RPSA2: variants seen among roughly 807,000 people sequenced by gnomAD.
The protein encoded by RPSA2 is small ribosomal subunit protein uS2B.
the RPSA2 span, among the ~76,000 whole-genome samples, chr19:23,785,419 A>G: frequency 7.1e-3 from 1,076 of 152,166 alleles, 13 homozygotes; most frequent in African/African-American, 0.025. Flanking sequence ...TCAGTCACCT[A>G]GGAGATGTGA....
chr19:23,810,422 G>A, the RPSA2 span, among the ~76,000 whole-genome samples: 2 of 2,630 alleles, frequency 7.6e-4, 1 homozygote, highest in Non-Finnish European at 1.7e-3. Context: ...AAAAAAAAAG[G>A]GAAAAGGGCT....
At chr19:23,814,080 C>T in the RPSA2 span, among the ~76,000 whole-genome samples, 1 of 150,952 alleles carries the variant, frequency 6.6e-6, no homozygotes, top group Non-Finnish European at 1.5e-5. Flanking sequence ...GGCATTGTGG[C>T]AGGCGCCTGT....
chr19:23,832,774 A>G, the RPSA2 span: 1 of 1,571,832 alleles, frequency 6.4e-7, no homozygotes, highest in South Asian at 1.1e-5. Context: ...TACTCGACAT[A>G]AGATAATTCA....
chr19:23,861,806 C>T, the RPSA2 span, among the ~76,000 whole-genome samples: 1 of 152,086 alleles, frequency 6.6e-6, no homozygotes. Flanking sequence ...TTTCTGGAAA[C>T]CAGAACCCTG....
At chr19:23,835,227 G>A in the RPSA2 span, among the ~76,000 whole-genome samples, 3 of 150,398 alleles carry the variant, frequency 2.0e-5, no homozygotes, top group Non-Finnish European at 4.4e-5. Context: ...ATTTTTCTTT[G>A]AACATGTGGC....
At chr19:23,761,926 T>TCCTTCCTTCCTTCC in the RPSA2 span, among the ~76,000 whole-genome samples, 34 of 124,824 alleles carry the variant, frequency 2.7e-4, 5 homozygotes, top group Middle Eastern at 3.8e-3. Flanking sequence ...CTTTCTTTTT[T>TCCTTCCTTCCTTCC]TTTTTTTTTG....
At chr19:23,856,349 G>A in the RPSA2 span, among the ~76,000 whole-genome samples, 1 of 152,076 alleles carries the variant, frequency 6.6e-6, no homozygotes, top group South Asian at 2.1e-4. Flanking sequence ...CAAGGACAGT[G>A]TTCTTCCACC....
chr19:23,763,423 C>G, the RPSA2 span, among the ~76,000 whole-genome samples: 1 of 152,196 alleles, frequency 6.6e-6, no homozygotes, highest in African/African-American at 2.4e-5. Context: ...GAGCAGAATC[C>G]CGACCCGGTG....
chr19:23,776,627 C>T, the RPSA2 span, among the ~76,000 whole-genome samples: 1 of 152,028 alleles, frequency 6.6e-6, no homozygotes, highest in African/African-American at 2.4e-5. Flanking sequence ...TGCCTGGTTT[C>T]TTCTCACAAA....
At chr19:23,797,052 C>T in the RPSA2 span, among the ~76,000 whole-genome samples, 3 of 151,322 alleles carry the variant, frequency 2.0e-5, no homozygotes, top group South Asian at 6.3e-4. Context: ...CCTTTTAACA[C>T]TACTTTAGCA....
At chr19:23,834,382 T>C in the RPSA2 span, among the ~76,000 whole-genome samples, 1 of 152,008 alleles carries the variant, frequency 6.6e-6, no homozygotes, top group Non-Finnish European at 1.5e-5. Context: ...GGACAAAATA[T>C]ATGAGAGATT....
At chr19:23,822,642 T>G in the RPSA2 span, among the ~76,000 whole-genome samples, 4 of 152,076 alleles carry the variant, frequency 2.6e-5, no homozygotes, top group South Asian at 8.3e-4. Flanking sequence ...AGCTCTGGTG[T>G]GGGTAAATTG....
the RPSA2 span, among the ~76,000 whole-genome samples, chr19:23,770,878 G>A: frequency 1.3e-5 from 2 of 152,192 alleles, no homozygotes; most frequent in African/African-American, 4.8e-5. Flanking sequence ...AAAATGCGGT[G>A]ATGTGAGTCT....
the RPSA2 span, chr19:23,828,107 T>C: frequency 1.9e-6 from 1 of 533,036 alleles, no homozygotes; most frequent in Admixed American, 4.1e-5. Flanking sequence ...AAAATAAACA[T>C]CAGTTTCTAA....
the RPSA2 span, among the ~76,000 whole-genome samples, chr19:23,858,584 A>G: frequency 6.6e-6 from 1 of 152,200 alleles, no homozygotes; most frequent in Non-Finnish European, 1.5e-5. Flanking sequence ...CAACACACAA[A>G]TTATTTCTTT....
the RPSA2 span, among the ~76,000 whole-genome samples, chr19:23,857,093 C>T: frequency 3.9e-5 from 6 of 152,142 alleles, no homozygotes; most frequent in African/African-American, 7.2e-5. Context: ...CCAGAATGGC[C>T]GTTTATAGAC....
chr19:23,863,413 A>G, the RPSA2 span, among the ~76,000 whole-genome samples: 1 of 152,038 alleles, frequency 6.6e-6, no homozygotes, highest in African/African-American at 2.4e-5. Context: ...CAAATACAAC[A>G]ATTAGCCAGG....
the RPSA2 span, among the ~76,000 whole-genome samples, chr19:23,779,990 C>T: frequency 1.3e-5 from 2 of 152,202 alleles, no homozygotes; most frequent in Non-Finnish European, 2.9e-5. Flanking sequence ...CGTCGCTCTC[C>T]TGCGTGATTT....
At chr19:23,797,450 G>A in the RPSA2 span, among the ~76,000 whole-genome samples, 1 of 152,046 alleles carries the variant, frequency 6.6e-6, no homozygotes, top group East Asian at 1.9e-4. Context: ...AGAACTTCTT[G>A]GTTTTTGCCT....
Sources: gnomAD v4.1 joint callset for allele counts (sites outside exome capture counted in the v4.1 genomes callset) on GRCh38, gnomAD v4.1.1 for gene constraint, MANE v1.5 for transcripts, NCBI Gene and HGNC (gene_info 2026-07-23, HGNC 2026-07-21) for gene names.